ARHGEF10L: variants seen among roughly 807,000 people sequenced by gnomAD.
ARHGEF10L encodes the protein Rho guanine nucleotide exchange factor 10 like, also known as rho guanine nucleotide exchange factor 10-like protein.
A neutral mutation model predicts 141.2 loss-of-function variants in ARHGEF10L; 69 were observed. The ratio of observed to expected loss-of-function variants is 0.49; its 90% CI spans 0.40 to 0.60. ARHGEF10L has a LOEUF of 0.60. Ranked by LOEUF, ARHGEF10L falls within the 20% of genes least tolerant of loss-of-function variation. ARHGEF10L has a pLI of 0.00. For missense variants in ARHGEF10L, 1,482 were observed against 1,734.3 expected, an observed-to-expected ratio of 0.85 and a Z score of 2.58; for synonymous variants, 711 against 718.5, an observed-to-expected ratio of 0.99 and a Z score of 0.17.
rs368874627 is a variant in ARHGEF10L at position 17,625,929 on chromosome 1, C to T, written c.1318-27C>T. Reference sequence around the variant, plus strand: ...CTGGGCCCTCTCTGCAGGGGGTCAGCGAATGACGGAACCTTGTCTCCACCA... The same window carrying T: ...CTGGGCCCTCTCTGCAGGGGGTCAGTGAATGACGGAACCTTGTCTCCACCA... On this transcript the variant is annotated intron_variant, in intron 13 of 28. Coordinates refer to ENST00000361221, the MANE Select transcript of ARHGEF10L (RefSeq NM_018125.4). This position sits in a 1 kb window ranked among gnomAD's most constrained non-coding sequence, Gnocchi z 4.5. The T allele has an allele frequency of 7.5e-5, 121 of 1,607,050 alleles. No homozygotes were observed. The highest frequency in any genetic ancestry group is 1.3e-4 in the Admixed American group (8 of 59,890).
intron 26 of ARHGEF10L, among the ~76,000 whole-genome samples, chr1:17,671,522 A>C (rs1166940585): frequency 6.6e-6 from 1 of 152,130 alleles, no homozygotes; most frequent in Admixed American, 6.5e-5. Context: ...TCCCCCAAGC[A>C]GATTTTCAGC....
chr1:17,612,430 C>T (rs2059595401), intron 7 of ARHGEF10L, among the ~76,000 whole-genome samples: 1 of 152,196 alleles, frequency 6.6e-6, no homozygotes, highest in African/African-American at 2.4e-5. Flanking sequence ...ATTTGCTCAT[C>T]CATCTATTTA....
Position 17,697,274 on chromosome 1 carries a change from A to C in ARHGEF10L, c.3734A>C (p.Gln1245Pro). Residue 1245 changes from glutamine to proline, a missense_variant, in exon 29 of 29, where the codon CAG becomes CCG. Transcript: ENST00000361221. This position sits in a 1 kb window ranked among gnomAD's most constrained non-coding sequence, Gnocchi z 4.8. ...ICSVAIISGG[Q>P]GYRNFGSALG... ...TCTGTGGCCATCATCTCCGGCGGGC[A>C]GGGCTACCGCAACTTTGGCAGCGCT... The C allele has an allele frequency of 6.2e-7, 1 of 1,612,742 alleles. No individual in the cohort carries two copies. The highest frequency in any genetic ancestry group is 1.1e-5 in the South Asian group (1 of 91,066).
the ARHGEF10L span, among the ~76,000 whole-genome samples, chr1:17,524,291 C>T: frequency 4.8e-5 from 7 of 144,970 alleles, no homozygotes; most frequent in East Asian, 4.5e-4. Context: ...GGTGACAGAG[C>T]GAGACTCCGT....
chr1:17,652,901 C>T (rs2062015407), intron 22 of ARHGEF10L, among the ~76,000 whole-genome samples: 1 of 152,178 alleles, frequency 6.6e-6, no homozygotes, highest in Non-Finnish European at 1.5e-5. Context: ...CTCACAAGCT[C>T]ATTGGGCTGT....
chr1:17,652,959 C>A (rs531616990), intron 22 of ARHGEF10L, among the ~76,000 whole-genome samples: 2 of 152,168 alleles, frequency 1.3e-5, no homozygotes, highest in Non-Finnish European at 2.9e-5. Flanking sequence ...GGCCGTGTAC[C>A]CTGTCTCCTG....
intron 21 of ARHGEF10L, among the ~76,000 whole-genome samples, chr1:17,645,430 C>T (rs1478711910): frequency 6.6e-6 from 1 of 151,666 alleles, no homozygotes; most frequent in Non-Finnish European, 1.5e-5. Flanking sequence ...TATGGGTGTT[C>T]GGGGAGGAAA....
intron 1 of ARHGEF10L, among the ~76,000 whole-genome samples, chr1:17,556,210 G>A (rs1335964608): frequency 7.3e-6 from 1 of 136,266 alleles, no homozygotes; most frequent in Non-Finnish European, 1.6e-5. Context: ...GGGAGCACAG[G>A]GGGAGGCTGG....
intron 26 of ARHGEF10L, among the ~76,000 whole-genome samples, chr1:17,666,659 C>T (rs1389467479): frequency 1.3e-5 from 2 of 152,090 alleles, no homozygotes; most frequent in Non-Finnish European, 2.9e-5. Context: ...CCAAGAACAG[C>T]TGGAGCAACT....
the ARHGEF10L span, among the ~76,000 whole-genome samples, chr1:17,517,283 CTTG>C: frequency 3.9e-5 from 6 of 152,154 alleles, no homozygotes; most frequent in Admixed American, 3.3e-4. Flanking sequence ...AAGGGGAAAT[CTTG>C]TTGTGAAGCT....
At chr1:17,657,446 G>A (rs1019607542) in intron 25 of ARHGEF10L, among the ~76,000 whole-genome samples, 1 of 152,166 alleles carries the variant, frequency 6.6e-6, no homozygotes, top group Non-Finnish European at 1.5e-5. Context: ...TTTGATGAAG[G>A]GGGCTGAGTA....
In ARHGEF10L at chr1:17,571,945, C is replaced by T. The variant is rs2078019463; in HGVS notation, c.-43-8608C>T. ...GTACCATGCAAAAGACTCCTCCCTT[C>T]CCTCCTTACCCCATCTCATTTCTGG... On this transcript the variant is annotated intron_variant, in intron 1 of 28. Transcript: ENST00000361221. 1.3e-5 allele frequency among the ~76,000 whole-genome samples: 2 copies of T among 152,244 alleles called. 1 individual carries two copies. Among genetic ancestry groups the T allele is most frequent in the South Asian group, 4.1e-4 (2 of 4,830 alleles).
At chr1:17,575,598 C>T (rs143313990) in intron 1 of ARHGEF10L, among the ~76,000 whole-genome samples, 252 of 152,304 alleles carry the variant, frequency 1.7e-3, no homozygotes, top group Non-Finnish European at 2.8e-3. Context: ...TCCGAGAGGT[C>T]GGTGGAGGGG....
intron 1 of ARHGEF10L, among the ~76,000 whole-genome samples, chr1:17,542,008 G>T (rs1353630946): frequency 6.6e-6 from 1 of 150,768 alleles, no homozygotes. Flanking sequence ...GTGTGGTGGT[G>T]CACGTCTGTA....
chr1:17,642,748 A>G (rs909045076), intron 21 of ARHGEF10L, among the ~76,000 whole-genome samples: 1 of 152,236 alleles, frequency 6.6e-6, no homozygotes, highest in African/African-American at 2.4e-5. Context: ...TGTCCCTGGC[A>G]GAAGACTTTG....
chr1:17,586,535 A>G (rs1190557542), intron 2 of ARHGEF10L, among the ~76,000 whole-genome samples: 1 of 152,182 alleles, frequency 6.6e-6, no homozygotes, highest in African/African-American at 2.4e-5. Context: ...TAGGAAGAGG[A>G]CTGGGGAACC....
At chr1:17,681,543 C>T (rs541144590) in intron 26 of ARHGEF10L, among the ~76,000 whole-genome samples, 5 of 152,340 alleles carry the variant, frequency 3.3e-5, no homozygotes, top group South Asian at 4.1e-4. Flanking sequence ...TCCAAGCCAG[C>T]GTCTCATAGA....
At chr1:17,634,409 C>G in intron 16 of ARHGEF10L, 139 bp from the exon 17 acceptor site, 3 of 1,435,196 alleles carry the variant, frequency 2.1e-6, no homozygotes, top group Non-Finnish European at 2.0e-6. Context: ...CTCTGATGCC[C>G]TCATTCCCCG....
chr1:17,619,666 G>A lies in ARHGEF10L; in HGVS notation c.942+221G>A, dbSNP rs890942416. Reference sequence around the variant, plus strand: ...CGTGTGCTCTGTGCTGTTGGTTTTGGGGGGTGGGCTCCCGGCATCTAGAAC... The same window carrying A: ...CGTGTGCTCTGTGCTGTTGGTTTTGAGGGGTGGGCTCCCGGCATCTAGAAC... On this transcript the variant is annotated intron_variant, in intron 10 of 28. Coordinates refer to ENST00000361221, the MANE Select transcript of ARHGEF10L (RefSeq NM_018125.4). This position sits in a 1 kb window ranked among gnomAD's most constrained non-coding sequence, Gnocchi z 5.0. Among the ~76,000 whole-genome samples, 3 of 152,138 alleles carry A rather than the reference G, an allele frequency of 2.0e-5. No homozygotes were observed. Among genetic ancestry groups the A allele is most frequent in the South Asian group, 2.1e-4 (1 of 4,826 alleles).
Sources: allele counts gnomAD v4.1 joint callset (sites outside exome capture counted in the v4.1 genomes callset), GRCh38; gene constraint gnomAD v4.1.1; non-coding constraint Gnocchi (gnomAD v3.1); transcripts MANE v1.5; gene names NCBI Gene and HGNC (gene_info 2026-07-23, HGNC 2026-07-21).